CASP9: variants seen among roughly 807,000 people sequenced by gnomAD.
The protein encoded by CASP9 is caspase 9.
Under a neutral mutation model 43.5 loss-of-function variants are expected in CASP9, and 29 were observed. The observed-to-expected ratio is 0.67, with a 90% confidence interval of 0.50 to 0.91. The LOEUF (loss-of-function observed/expected upper bound fraction) is 0.91. CASP9 is among the 40% of genes least tolerant of loss of function. The pLI, the probability that CASP9 is intolerant of heterozygous loss-of-function variation, is 0.00. For synonymous variants in CASP9, 206 were observed against 211.9 expected, an observed-to-expected ratio of 0.97 and a Z score of 0.24; for missense variants, 575 against 537.4, an observed-to-expected ratio of 1.07 and a Z score of -0.69.
In CASP9 at chr1:15,493,975, T is replaced by C. The variant is rs1471836092; in HGVS notation, c.1075A>G (p.Ser359Gly). Residue 359 changes from serine to glycine, a missense_variant, in exon 8 of 9, where the codon AGT (serine) becomes GGT (glycine). Ser to Gly is a moderately conservative substitution (Grantham distance 56). Transcript: ENST00000333868. ...PGFVSWRDPK[S>G]GSWYVETLDD... is the part of the protein sequence containing the mutation. ...AGGGTCTCAACGTACCAGGAGCCAC[T>C]CTTGGGGTCCCTCCAGGAAACAAAA... is the stretch of plus-strand genomic sequence containing the variant. The C allele has an allele frequency of 1.7e-5, 27 of 1,600,324 alleles. No homozygotes were observed. Among genetic ancestry groups the C allele is most frequent in the Non-Finnish European group, 2.3e-5 (27 of 1,173,090 alleles).
At chr1:15,493,850 C>T in intron 8 of CASP9, 42 bp downstream of exon 8, 1 of 1,555,912 alleles carries the variant, frequency 6.4e-7, no homozygotes, top group Non-Finnish European at 8.7e-7. Flanking sequence ...CGCTGCCCCT[C>T]AGCAGCCTCC....
intron 2 of CASP9, among the ~76,000 whole-genome samples, chr1:15,512,836 G>A (rs984957039): frequency 1.3e-5 from 2 of 151,984 alleles, no homozygotes; most frequent in African/African-American, 4.8e-5. Context: ...CAAGTACCTC[G>A]GACTCACTCC....
chr1:15,524,383 C>G (rs941383471), upstream of CASP9: 2 of 1,370,766 alleles, frequency 1.5e-6, no homozygotes, highest in Non-Finnish European at 1.9e-6. Context: ...CCAGGAGTCG[C>G]TCTTGCGTCA....
At chr1:15,496,989 T>G (rs1267262733) in intron 6 of CASP9, among the ~76,000 whole-genome samples, 1 of 152,066 alleles carries the variant, frequency 6.6e-6, no homozygotes, top group Non-Finnish European at 1.5e-5. Context: ...CACTTCAGCC[T>G]GGGTGACAAA....
chr1:15,499,125 A>G (rs1028369661), intron 6 of CASP9, among the ~76,000 whole-genome samples: 4 of 152,210 alleles, frequency 2.6e-5, no homozygotes, highest in African/African-American at 4.8e-5. Context: ...ATTTTATGTA[A>G]TTAGGCAACT....
chr1:15,520,516 G>A (rs1397489954), intron 1 of CASP9, among the ~76,000 whole-genome samples: 1 of 152,214 alleles, frequency 6.6e-6, no homozygotes, highest in African/African-American at 2.4e-5. Flanking sequence ...TATAGGGTCA[G>A]GTGCTGAAGG....
At chr1:15,493,664 G>A (rs1708979675) in intron 8 of CASP9, 2 of 1,449,454 alleles carry the variant, frequency 1.4e-6, no homozygotes, top group African/African-American at 1.4e-5. Flanking sequence ...GGGGACCTTG[G>A]AGGAGACAGG....
Position 15,518,252 on chromosome 1 carries a change from G to A in CASP9, c.276C>T (p.Asn92=), listed in dbSNP as rs1244975336. ...QDMLASFLRT[N]RQAAKLSKPT... is the part of the protein sequence containing the mutation. Reference sequence around the variant, plus strand: ...GCTTCGACAACTTTGCTGCTTGCCTGTTAGTTCGCAGAAACGAAGCCAGCA... The same window carrying A: ...GCTTCGACAACTTTGCTGCTTGCCTATTAGTTCGCAGAAACGAAGCCAGCA... Residue 92 remains asparagine (N), a synonymous_variant, in exon 2 of 9, where the codon AAC becomes AAT. Transcript: ENST00000333868. The A allele has an allele frequency of 1.9e-6, 3 of 1,614,224 alleles. No individual in the cohort carries two copies. Among genetic ancestry groups the A allele is most frequent in the South Asian group, 2.2e-5 (2 of 91,084 alleles).
At chr1:15,524,814 G>A, upstream of CASP9, 1 of 955,826 alleles carries the variant, frequency 1.0e-6, no homozygotes, top group Non-Finnish European at 1.2e-6. Context: ...CCGCCCCCAG[G>A]ATTCGCTCTG....
intron 1 of CASP9, among the ~76,000 whole-genome samples, chr1:15,523,209 CTG>C (rs1187752737): frequency 6.6e-6 from 1 of 152,228 alleles, no homozygotes; most frequent in Non-Finnish European, 1.5e-5. Context: ...AAAACATAAA[CTG>C]AACACAGAAG....
chr1:15,512,710 CTATA>C (rs1709803708), intron 2 of CASP9, among the ~76,000 whole-genome samples: 1 of 152,082 alleles, frequency 6.6e-6, no homozygotes, highest in Non-Finnish European at 1.5e-5. Context: ...ATATATCTTT[CTATA>C]TATATCCGTG....
chr1:15,505,201 G>A (rs1570844061), intron 5 of CASP9, among the ~76,000 whole-genome samples: 1 of 152,134 alleles, frequency 6.6e-6, no homozygotes, highest in South Asian at 2.1e-4. Context: ...CAGACCTCAA[G>A]GGCATGGAAA....
In CASP9 at chr1:15,498,091, GTTTTT is replaced by G. The variant is rs570630737; in HGVS notation, c.869-2644_869-2640del. ...TTTTGGGGGATTGTTTTTTGTTTTT[GTTTTT>G]GTTTTTTGAGAGAGTCTCATTCTGT... On this transcript the variant is annotated intron_variant, in intron 6 of 8. Coordinates refer to ENST00000333868, the MANE Select transcript of CASP9 (RefSeq NM_001229.5). 8.5e-3 allele frequency among the ~76,000 whole-genome samples: 1,292 copies of G among 152,010 alleles called. 17 individuals carry two copies. Among genetic ancestry groups the G allele is most frequent in the African/African-American group, 0.028 (1,178 of 41,466 alleles).
intron 3 of CASP9, 64 bp from the exon 4 acceptor site, chr1:15,507,139 G>C (rs1039331483): frequency 6.3e-7 from 1 of 1,598,048 alleles, no homozygotes; most frequent in Middle Eastern, 1.7e-4. Flanking sequence ...ACAGTCTGGA[G>C]AGGCGGGAAG....
chr1:15,515,832 G>GTCTGGA (rs1270698446), intron 2 of CASP9, among the ~76,000 whole-genome samples: 5 of 152,170 alleles, frequency 3.3e-5, no homozygotes, highest in African/African-American at 7.2e-5. Context: ...GAGGTGGGCA[G>GTCTGGA]ACTACTGGAG....
chr1:15,492,870 G>A lies in CASP9; in HGVS notation c.*73C>T, dbSNP rs2103320727. 1.3e-6 allele frequency: 2 copies of A among 1,587,962 alleles called. No homozygotes were observed. The highest frequency in any genetic ancestry group is 1.4e-5 in the African/African-American group (1 of 73,898). On this transcript the variant is annotated 3_prime_UTR_variant, in exon 9 of 9. Transcript: ENST00000333868. ...GTCCTTGAGTTGCAGGAAAGTCCAG[G>A]CCTCAGCCTCTTTCAGGCCTGGGGC...
chr1:15,524,752 C>A, upstream of CASP9: 1 of 1,007,796 alleles, frequency 9.9e-7, no homozygotes, highest in Middle Eastern at 5.0e-4. Context: ...GTCCCCAGAA[C>A]CTGCCACCGC....
At chr1:15,507,196 C>A in intron 3 of CASP9, 121 bp from the exon 4 acceptor site, 2 of 1,146,612 alleles carry the variant, frequency 1.7e-6, no homozygotes, top group Admixed American at 2.2e-5. Context: ...GGTCTCCACC[C>A]GGCATTCCAG....
At chr1:15,514,346 T>C (rs1173639010) in intron 2 of CASP9, among the ~76,000 whole-genome samples, 2 of 152,234 alleles carry the variant, frequency 1.3e-5, no homozygotes, top group African/African-American at 4.8e-5. Flanking sequence ...GCTGGCCCTA[T>C]TCTTGCTCAG....
Sources: allele counts gnomAD v4.1 joint callset (sites outside exome capture counted in the v4.1 genomes callset), GRCh38; gene constraint gnomAD v4.1.1; transcripts MANE v1.5; gene names NCBI Gene and HGNC (gene_info 2026-07-23, HGNC 2026-07-21).